The following RGPD3 variants were observed in gnomAD, a reference collection of about 807,000 sequenced individuals.
RGPD3 encodes the protein RANBP2 like and GRIP domain containing 3.
Under a neutral mutation model 154.5 loss-of-function variants are expected in RGPD3, and 62 were observed. The observed-to-expected ratio is 0.40, with a 90% CI of 0.33 to 0.50. The LOEUF (loss-of-function observed/expected upper bound fraction) is 0.50, where lower values mean the gene tolerates loss of function less well. Ranked by LOEUF, RGPD3 falls within the 20% of genes least tolerant of loss-of-function variation. The probability of loss-of-function intolerance (pLI) is 0.59; values close to 1 mark genes in which losing one functional copy is unlikely to be tolerated. For missense variants in RGPD3, 919 were observed against 1,716.8 expected (o/e 0.54, Z 8.21); for synonymous variants, 308 against 607.0 (o/e 0.51, Z 7.24).
At chr2:106,421,751 G>A (rs1329689651) in intron 20 of RGPD3, among the ~76,000 whole-genome samples, 462 of 151,536 alleles carry the variant, frequency 3.0e-3, no homozygotes, top group African/African-American at 0.011. Context: ...TATACATGCC[G>A]TTGCCACTAC....
At chr2:106,442,499 A>G (rs1170327255) in intron 7 of RGPD3, among the ~76,000 whole-genome samples, 2 of 106,290 alleles carry the variant, frequency 1.9e-5, no homozygotes, top group South Asian at 2.8e-4. Context: ...TAACCTATGA[A>G]AAAAAAAAAA....
chr2:106,430,146 G>A (rs1677325832), intron 17 of RGPD3, among the ~76,000 whole-genome samples: 1 of 149,272 alleles, frequency 6.7e-6, no homozygotes, highest in Non-Finnish European at 1.5e-5. Flanking sequence ...GCCTCCCAAA[G>A]TGCTGGGATT....
intron 20 of RGPD3, among the ~76,000 whole-genome samples, chr2:106,421,788 CTAAAGA>C (rs1241623226): frequency 6.6e-6 from 1 of 151,062 alleles, no homozygotes; most frequent in Non-Finnish European, 1.5e-5. Context: ...ACGTTAGTGG[CTAAAGA>C]TAAACATTAG....
At chr2:106,421,738 C>G (rs564628241) in intron 20 of RGPD3, among the ~76,000 whole-genome samples, 5 of 152,030 alleles carry the variant, frequency 3.3e-5, no homozygotes, top group Admixed American at 3.3e-4. Flanking sequence ...CTCTTCCATA[C>G]TGTATACATG....
rs781316610 is a variant in RGPD3, at chr2:106,425,062, T to C, written c.2905A>G (p.Thr969Ala). ...RGVIFGQTSS[T>A]FTFADVAKST... is the part of the protein sequence containing the mutation. ...TTTGCAACATCTGCAAATGTAAAAG[T>C]GCTACTTGTTTGGCCAAAAATCACA... is the stretch of plus-strand genomic sequence containing the variant. Residue 969 changes from threonine to alanine, a missense_variant, in exon 20 of 23, where the codon ACT (threonine) becomes GCT (alanine). Physicochemically the swap from Thr to Ala is moderately conservative, Grantham distance 58 (BLOSUM62 0). Coordinates refer to ENST00000409886, the MANE Select transcript of RGPD3 (RefSeq NM_001144013.2). 1.2e-5 allele frequency: 19 copies of C among 1,611,870 alleles called. No homozygotes were observed. The highest frequency in any genetic ancestry group is 1.2e-4 in the Admixed American group (7 of 59,976).
chr2:106,443,384 GCT>G, intron 7 of RGPD3, among the ~76,000 whole-genome samples: 1 of 152,002 alleles, frequency 6.6e-6, no homozygotes, highest in Non-Finnish European at 1.5e-5. Context: ...TTCCAAATAT[GCT>G]CATTTTTCAA....
At chr2:106,455,097 G>A (rs1678206738) in intron 4 of RGPD3, among the ~76,000 whole-genome samples, 1 of 152,242 alleles carries the variant, frequency 6.6e-6, no homozygotes, top group Non-Finnish European at 1.5e-5. Flanking sequence ...GAACCCGGGA[G>A]GCAGAAGTGG....
chr2:106,447,942 T>C (rs1677983267), intron 6 of RGPD3, among the ~76,000 whole-genome samples: 1 of 151,838 alleles, frequency 6.6e-6, no homozygotes, highest in African/African-American at 2.4e-5. Context: ...GACTATTTTG[T>C]AGTTTCTTCC....
In RGPD3 at chr2:106,413,217, T is replaced by A; in HGVS notation, c.5133A>T (p.Glu1711Asp). 3 of 1,611,976 alleles carry A rather than the reference T, an allele frequency of 1.9e-6. No individual in the cohort carries two copies. In the South Asian group the frequency reaches 3.3e-5, roughly 18 times the overall value. Residue 1711 changes from glutamate (E) to aspartate (D), a missense_variant, in exon 22 of 23, where the codon GAA (glutamate) becomes GAT (aspartate). Physicochemically the swap from Glu to Asp is conservative, Grantham distance 45. Transcript: ENST00000409886. ...ACTGCAGCAAGACGTTCTTCAAGTG[T>A]TCCACGTTAGCTGCAGACACCTCTT... ...QEQEVSAANV[E>D]HLKNVLLQFI...
At position 106,404,852 on chromosome 2, in the gene RGPD3, T is replaced by C. The variant is rs1676458314; in HGVS notation, c.*367A>G. Reference sequence around the variant, plus strand: ...AGTTTAACTTCAAAATTCACAGTACTGCCGAGAAATGGGCGGGTCCTGAGG... The same window carrying C: ...AGTTTAACTTCAAAATTCACAGTACCGCCGAGAAATGGGCGGGTCCTGAGG... On this transcript the variant is annotated 3_prime_UTR_variant, in exon 23 of 23. Transcript: ENST00000409886. 4.3e-6 allele frequency: 1 copy of C among 231,020 alleles called. No individual in the cohort carries two copies. The highest frequency in any genetic ancestry group is 2.5e-5 in the African/African-American group (1 of 40,208). 14.3% of individuals were successfully genotyped at this position (231,020 alleles called of 1,614,324 possible).
chr2:106,424,714 A>T lies in RGPD3; in HGVS notation c.3253T>A (p.Leu1085Ile), dbSNP rs1391692366. Residue 1085 changes from leucine (L) to isoleucine (I), a missense_variant, in exon 20 of 23, where the codon TTA becomes ATA. Leu to Ile is a conservative substitution (Grantham distance 5, BLOSUM62 2). Coordinates refer to ENST00000409886, the MANE Select transcript of RGPD3 (RefSeq NM_001144013.2). Reference sequence around the variant, plus strand: ...TTGACCTCGTTTTTGAGAATTTTTAAGTTCCCCAAGCCCCTTTCTTTCCAC... The same window carrying T: ...TTGACCTCGTTTTTGAGAATTTTTATGTTCCCCAAGCCCCTTTCTTTCCAC... ...SQWKERGLGN[L>I]KILKNEVNGK... The T allele has an allele frequency of 6.2e-7, 1 of 1,611,834 alleles. No individual in the cohort carries two copies. The highest frequency in any genetic ancestry group is 2.2e-5 in the East Asian group (1 of 44,886).
intron 21 of RGPD3, among the ~76,000 whole-genome samples, chr2:106,413,662 G>A (rs1164094058): frequency 6.6e-6 from 1 of 152,108 alleles, no homozygotes; most frequent in Non-Finnish European, 1.5e-5. Flanking sequence ...TACAAGAGGA[G>A]AAAAAGTAGA....
rs11893526 is a variant in RGPD3 at position 106,468,389 on chromosome 2, G to C, written c.-101C>G. The C allele has an allele frequency of 0.15, 224,794 of 1,537,850 alleles. 22,826 individuals are homozygous for C. The highest frequency in any genetic ancestry group is 0.64 in the East Asian group (25,699 of 40,090). On this transcript the variant is annotated 5_prime_UTR_variant, in exon 1 of 23. Transcript: ENST00000409886. ...AGCGCCTGAAAGCCACTGAGGCAGC[G>C]GCGTAGCCGGCGGAGGACCACTGTG...
chr2:106,437,482 A>G (rs2104479978), intron 9 of RGPD3, among the ~76,000 whole-genome samples: 2 of 152,216 alleles, frequency 1.3e-5, no homozygotes, highest in South Asian at 2.1e-4. Context: ...ACTGCGCTCC[A>G]GCCTGGGTGA....
At chr2:106,409,389 T>G (rs1163012151) in intron 22 of RGPD3, among the ~76,000 whole-genome samples, 1 of 152,094 alleles carries the variant, frequency 6.6e-6, no homozygotes, top group East Asian at 1.9e-4. Flanking sequence ...TTCTTTTTGC[T>G]TGAAGTACAT....
At chr2:106,463,419 G>A (rs1678465113) in intron 1 of RGPD3, among the ~76,000 whole-genome samples, 1 of 151,896 alleles carries the variant, frequency 6.6e-6, no homozygotes, top group East Asian at 1.9e-4. Context: ...AGGTTGTGGT[G>A]AGCTGAGACC....
At chr2:106,463,343 G>A (rs1342502376) in intron 1 of RGPD3, among the ~76,000 whole-genome samples, 2 of 152,380 alleles carry the variant, frequency 1.3e-5, no homozygotes, top group East Asian at 1.9e-4. Flanking sequence ...GGGCATGGTG[G>A]CGCACACCTG....
intron 22 of RGPD3, among the ~76,000 whole-genome samples, chr2:106,407,574 T>C (rs1676553950): frequency 6.6e-6 from 1 of 151,742 alleles, no homozygotes; most frequent in Admixed American, 6.6e-5. Context: ...AAATGCACTG[T>C]TGTATGTTCA....
intron 20 of RGPD3, 30 bp from the exon 21 acceptor site, chr2:106,416,019 TC>T (rs1476044818): frequency 1.9e-6 from 3 of 1,611,032 alleles, no homozygotes; most frequent in Non-Finnish European, 2.5e-6. Context: ...GAATTAATTT[TC>T]AAAATCATAC....
Sources: gnomAD v4.1 joint callset for allele counts (sites outside exome capture counted in the v4.1 genomes callset) on GRCh38, gnomAD v4.1.1 for gene constraint, MANE v1.5 for transcripts, NCBI Gene and HGNC (gene_info 2026-07-23, HGNC 2026-07-21) for gene names.